SUSD6: variants seen among roughly 807,000 people sequenced by gnomAD.
SUSD6 encodes sushi domain-containing protein 6.
A neutral mutation model predicts 28.4 loss-of-function variants in SUSD6; 16 were observed. The ratio of observed to expected loss-of-function variants is 0.56; its 90% CI spans 0.38 to 0.86. The LOEUF is 0.86. Among genes scored for constraint, SUSD6 ranks in the 40% least tolerant of loss-of-function variants. SUSD6 has a pLI of 0.00. For missense variants in SUSD6, 341 were observed against 384.2 expected (o/e 0.89, Z 0.94); for synonymous variants, 147 against 159.6 (o/e 0.92, Z 0.59).
intron 1 of SUSD6, among the ~76,000 whole-genome samples, chr14:69,635,636 C>CACACAT (rs1555343126): frequency 6.4e-5 from 9 of 139,934 alleles, no homozygotes; most frequent in African/African-American, 2.4e-4. Context: ...CACACACACA[C>CACACAT]ACACACATTT....
intron 1 of SUSD6, among the ~76,000 whole-genome samples, chr14:69,649,578 A>G (rs1885474479): frequency 6.6e-6 from 1 of 152,106 alleles, no homozygotes; most frequent in South Asian, 2.1e-4. Flanking sequence ...TTGTGAGTTT[A>G]TCTTTTTTTC....
At chr14:69,670,957 T>C (rs1885822822) in intron 2 of SUSD6, among the ~76,000 whole-genome samples, 1 of 152,256 alleles carries the variant, frequency 6.6e-6, no homozygotes, top group African/African-American at 2.4e-5. Context: ...TCTCTTTCAC[T>C]CTGGTGGAGT....
intron 2 of SUSD6, among the ~76,000 whole-genome samples, chr14:69,667,968 C>T (rs756700160): frequency 7.2e-5 from 11 of 152,182 alleles, no homozygotes; most frequent in African/African-American, 1.2e-4. Context: ...ATCCAACACA[C>T]GCATTGTGGG....
rs1473531945 is a variant in SUSD6 at position 69,714,791 on chromosome 14, G to A, written c.*3812G>A. On this transcript the variant is annotated 3_prime_UTR_variant, in exon 6 of 6. Coordinates refer to ENST00000342745, the MANE Select transcript of SUSD6 (RefSeq NM_014734.4). ...GCAGAGCTAGTAGAAGGGGATGCAG[G>A]GGCAAAGCACTCAGTTGCCAAGCAA... 1 of 152,176 alleles carries A rather than the reference G, an allele frequency of 6.6e-6. No homozygotes were observed. Among genetic ancestry groups the A allele is most frequent in the Non-Finnish European group, 1.5e-5 (1 of 68,046 alleles). The allele number at this position is 152,176 out of a possible 1,614,324, so 9.4% of individuals were successfully genotyped here. A position where few individuals can be genotyped will look rare whatever the true frequency, so the allele number is the denominator to read the frequency against.
chr14:69,705,770 G>A (rs904365640), intron 4 of SUSD6, among the ~76,000 whole-genome samples: 14 of 152,328 alleles, frequency 9.2e-5, no homozygotes, highest in African/African-American at 3.4e-4. Context: ...GCCTTTATCA[G>A]TTTCCTTTTC....
intron 2 of SUSD6, among the ~76,000 whole-genome samples, chr14:69,668,491 C>T (rs971048011): frequency 4.6e-5 from 7 of 151,750 alleles, no homozygotes; most frequent in African/African-American, 1.2e-4. Flanking sequence ...AAAAATCAGC[C>T]GGGCGTGGTG....
At chr14:69,641,767 A>ATTT (rs1159647145) in intron 1 of SUSD6, among the ~76,000 whole-genome samples, 3 of 146,574 alleles carry the variant, frequency 2.0e-5, no homozygotes, top group Admixed American at 6.8e-5. Context: ...TTTAAAAAAA[A>ATTT]TTTTTTTTTT....
rs561731517 is a variant in SUSD6 at position 69,638,569 on chromosome 14, C to G, written c.-80-19944C>G. Among the ~76,000 whole-genome samples, 24 of 152,100 alleles carry G rather than the reference C, an allele frequency of 1.6e-4. No homozygotes were observed. The South Asian group carries it at 4.8e-3, about 30-fold the overall frequency. ...GGACTGGAAGGGCAGCATACCCTAA[C>G]CAGGACTTCCCCAAACTTTAACATG... On this transcript the variant is annotated intron_variant, in intron 1 of 5. Transcript: ENST00000342745.
At chr14:69,676,285 A>T (rs1188891668) in intron 2 of SUSD6, among the ~76,000 whole-genome samples, 1 of 152,140 alleles carries the variant, frequency 6.6e-6, no homozygotes, top group Non-Finnish European at 1.5e-5. Flanking sequence ...AGACTCGGGG[A>T]TACAAAGAAG....
chr14:69,662,695 A>G (rs1885680944), intron 2 of SUSD6, among the ~76,000 whole-genome samples: 1 of 152,242 alleles, frequency 6.6e-6, no homozygotes, highest in Admixed American at 6.5e-5. Flanking sequence ...ACTAGGCGGA[A>G]TTAAGATCTT....
At chr14:69,661,536 G>A (rs2139616671) in intron 2 of SUSD6, among the ~76,000 whole-genome samples, 1 of 152,120 alleles carries the variant, frequency 6.6e-6, no homozygotes, top group East Asian at 1.9e-4. Flanking sequence ...TAAAACATGT[G>A]TACTGGCAGG....
Position 69,704,737 on chromosome 14 carries a change from T to G in SUSD6, c.453T>G (p.His151Gln). ...LLQPKLKSFH[H>Q]SRRDQGVSGD... is the part of the protein sequence containing the mutation. ...AGCCAAAGCTGAAGTCTTTCCATCA[T>G]AGCAGGTGAGTCCAGTGGCAGAGCT... is the stretch of plus-strand genomic sequence containing the variant. Residue 151 changes from histidine (H) to glutamine (Q), a missense_variant, in exon 4 of 6, where the codon CAT becomes CAG. By Grantham distance (24) the His-to-Gln change is conservative (BLOSUM62 0). Coordinates refer to ENST00000342745, the MANE Select transcript of SUSD6 (RefSeq NM_014734.4). 1.2e-6 allele frequency: 2 copies of G among 1,613,926 alleles called. No individual in the cohort carries two copies. Among genetic ancestry groups the G allele is most frequent in the Non-Finnish European group, 1.7e-6 (2 of 1,179,936 alleles).
rs59892526 is a variant in SUSD6 at position 69,684,622 on chromosome 14, C to CA, written c.122-18771dup. Among the ~76,000 whole-genome samples, 614 of 152,364 alleles carry CA rather than the reference C, an allele frequency of 4.0e-3. 4 individuals carry two copies. The highest frequency in any genetic ancestry group is 0.014 in the African/African-American group (589 of 41,586). ...CTGGGCTGGGCCTGCTGACTTGCCC[C>CA]AAGTGCCTTGGCACAGACCGTGGTG... On this transcript the variant is annotated intron_variant, in intron 2 of 5. Transcript: ENST00000342745.
At chr14:69,646,449 T>G (rs1885427250) in intron 1 of SUSD6, among the ~76,000 whole-genome samples, 1 of 152,180 alleles carries the variant, frequency 6.6e-6, no homozygotes, top group African/African-American at 2.4e-5. Flanking sequence ...CAGGGCTACA[T>G]CACTCCAGGG....
At chr14:69,644,021 C>T (rs17107165) in intron 1 of SUSD6, among the ~76,000 whole-genome samples, 2,819 of 152,276 alleles carry the variant, frequency 0.019, 85 homozygotes, top group African/African-American at 0.064. Context: ...ATCTTTGACA[C>T]GTTGGCTGTA....
intron 2 of SUSD6, among the ~76,000 whole-genome samples, chr14:69,676,081 G>C (rs904032001): frequency 2.6e-5 from 4 of 152,214 alleles, no homozygotes; most frequent in Non-Finnish European, 4.4e-5. Context: ...GGGGGGAAAA[G>C]ATAAGACAAT....
At chr14:69,675,437 G>A (rs115216104) in intron 2 of SUSD6, among the ~76,000 whole-genome samples, 218 of 152,338 alleles carry the variant, frequency 1.4e-3, no homozygotes, top group African/African-American at 5.1e-3. Context: ...GGACTAGGTA[G>A]GTGAGATTCC....
In SUSD6 at chr14:69,711,062, C is replaced by G. The variant is rs535297775; in HGVS notation, c.*83C>G. On this transcript the variant is annotated 3_prime_UTR_variant, in exon 6 of 6. Coordinates refer to ENST00000342745, the MANE Select transcript of SUSD6 (RefSeq NM_014734.4). ...TGTGGGATTGAGCACCCTGTACTCT[C>G]CAGCCACCTTACCTGGATACCTGAG... 3 of 1,392,936 alleles carry G rather than the reference C, an allele frequency of 2.2e-6. No homozygotes were observed. The South Asian group carries it at 3.5e-5, about 16-fold the overall frequency. The allele number at this position is 1,392,936 out of a possible 1,614,324, so 86.3% of individuals were successfully genotyped here. A position where few individuals can be genotyped will look rare whatever the true frequency, so the allele number is the denominator to read the frequency against.
At chr14:69,645,203 T>C (rs1273519870) in intron 1 of SUSD6, among the ~76,000 whole-genome samples, 2 of 152,164 alleles carry the variant, frequency 1.3e-5, no homozygotes, top group Non-Finnish European at 2.9e-5. Flanking sequence ...TAAGCTTCAT[T>C]AGATGGAGGT....
Sources: gnomAD v4.1 joint callset for allele counts (sites outside exome capture counted in the v4.1 genomes callset) on GRCh38, gnomAD v4.1.1 for gene constraint, MANE v1.5 for transcripts, NCBI Gene and HGNC (gene_info 2026-07-23, HGNC 2026-07-21) for gene names.